Variants in SNTG1 observed in about 807,000 individuals in gnomAD.
SNTG1 encodes gamma-1-syntrophin.
Under a neutral mutation model 74.7 loss-of-function variants are expected in SNTG1, and 39 were observed. The ratio of observed to expected loss-of-function variants is 0.52; its 90% CI spans 0.40 to 0.68. The LOEUF (loss-of-function observed/expected upper bound fraction) is 0.68. Among genes scored for constraint, SNTG1 ranks in the 30% least tolerant of loss-of-function variants. The pLI is 0.00. For synonymous variants in SNTG1, 254 were observed against 217.1 expected (o/e 1.17, Z -1.49); for missense variants, 685 against 609.5 (o/e 1.12, Z -1.30).
intron 1 of SNTG1, among the ~76,000 whole-genome samples, chr8:50,154,482 T>C (rs1399248014): frequency 6.6e-6 from 1 of 152,086 alleles, no homozygotes; most frequent in Non-Finnish European, 1.5e-5. Flanking sequence ...ACCGGGTACC[T>C]CAGTTGGAAG....
intron 8 of SNTG1, among the ~76,000 whole-genome samples, chr8:50,465,426 C>T (rs2093601496): frequency 6.6e-6 from 1 of 152,174 alleles, no homozygotes; most frequent in Admixed American, 6.6e-5. Context: ...TGCATTTTGT[C>T]ATATCTCACA....
intron 2 of SNTG1, among the ~76,000 whole-genome samples, chr8:50,366,346 C>A (rs1189878182): frequency 6.6e-6 from 1 of 152,124 alleles, no homozygotes; most frequent in Non-Finnish European, 1.5e-5. Context: ...ACCCAATAGC[C>A]TTTTTACTAC....
intron 1 of SNTG1, among the ~76,000 whole-genome samples, chr8:50,151,440 G>T (rs556703524): frequency 2.0e-5 from 3 of 151,960 alleles, no homozygotes; most frequent in Non-Finnish European, 4.4e-5. Flanking sequence ...GTCATTCCTT[G>T]CCTTCTGCTA....
chr8:50,447,575 GC>G (rs1167191404), intron 5 of SNTG1, among the ~76,000 whole-genome samples: 1 of 151,850 alleles, frequency 6.6e-6, no homozygotes, highest in Non-Finnish European at 1.5e-5. Context: ...GCCTGGAAAA[GC>G]CGTAGACTTC....
At chr8:50,697,071 A>G (rs1467313380) in intron 15 of SNTG1, among the ~76,000 whole-genome samples, 2 of 152,102 alleles carry the variant, frequency 1.3e-5, no homozygotes, top group South Asian at 4.1e-4. Context: ...CTATTGATCC[A>G]TAAGTATGAG....
rs144721147 is a variant in SNTG1, at chr8:50,645,268, G to A, written c.850-11641G>A. Reference sequence around the variant, plus strand: ...CTCTTCAATTGTGTATAAACTTCTGGTAAACTCATATATTGGGTTTATCGT... The same window carrying A: ...CTCTTCAATTGTGTATAAACTTCTGATAAACTCATATATTGGGTTTATCGT... On this transcript the variant is annotated intron_variant, in intron 13 of 18. Coordinates refer to ENST00000642720, the MANE Select transcript of SNTG1 (RefSeq NM_018967.5). Among the ~76,000 whole-genome samples, 463 of 151,912 alleles carry A rather than the reference G, an allele frequency of 3.0e-3. 3 individuals are homozygous for A. The highest frequency in any genetic ancestry group is 0.011 in the African/African-American group (446 of 41,442).
At chr8:50,036,130 A>T (rs1157235715) in intron 1 of SNTG1, among the ~76,000 whole-genome samples, 1 of 152,188 alleles carries the variant, frequency 6.6e-6, no homozygotes, top group African/African-American at 2.4e-5. Context: ...AATTAATTAG[A>T]CTTGTTTCAT....
chr8:50,543,401 G>C (rs1185618227), intron 11 of SNTG1, among the ~76,000 whole-genome samples: 1 of 151,970 alleles, frequency 6.6e-6, no homozygotes, highest in African/African-American at 2.4e-5. Context: ...ATTGATTTCT[G>C]GGTTCTCTAT....
At chr8:50,114,940 T>C (rs541507264) in intron 1 of SNTG1, among the ~76,000 whole-genome samples, 1 of 152,134 alleles carries the variant, frequency 6.6e-6, no homozygotes, top group African/African-American at 2.4e-5. Context: ...ATTAGTTTGA[T>C]TGTGATTATT....
chr8:50,455,750 A>G (rs1452415263), intron 8 of SNTG1, among the ~76,000 whole-genome samples: 1 of 152,222 alleles, frequency 6.6e-6, no homozygotes, highest in Non-Finnish European at 1.5e-5. Flanking sequence ...AGGAGGTTTT[A>G]TATGTCACCA....
chr8:50,450,870 A>T (rs12542191), intron 8 of SNTG1, 141 bp downstream of exon 8: 425,695 of 637,836 alleles, frequency 0.67, 148,004 homozygotes, highest in East Asian at 0.79. Flanking sequence ...TGTTCTCTTA[A>T]TTTTTTTTTA....
intron 2 of SNTG1, among the ~76,000 whole-genome samples, chr8:50,212,066 A>T (rs1162517641): frequency 6.6e-6 from 1 of 152,224 alleles, no homozygotes; most frequent in Non-Finnish European, 1.5e-5. Context: ...CATTTTGGCA[A>T]CATTGAGAAT....
chr8:50,726,705 A>T lies in SNTG1; in HGVS notation c.1284+17727A>T, dbSNP rs186333034. ...TCTACTAAAAATACAAAAAATTAGC[A>T]GGGTGTGGTGGCGGACGCCTGTAGT... is the stretch of plus-strand genomic sequence containing the variant. On this transcript the variant is annotated intron_variant, in intron 17 of 18. Transcript: ENST00000642720. Among the ~76,000 whole-genome samples the T allele has an allele frequency of 9.0e-4, 137 of 152,056 alleles. 2 individuals are homozygous for T. Among genetic ancestry groups the T allele is most frequent in the Middle Eastern group, 6.8e-3 (2 of 292 alleles).
rs570473494 is a variant in SNTG1 at position 50,369,324 on chromosome 8, C to A, written c.-27-24888C>A. On this transcript the variant is annotated intron_variant, in intron 2 of 18. Transcript: ENST00000642720. ...TAAGAAAAGAAAAAGAGGCTGGGCA[C>A]GGTGGCTAACGCCTGTAATCCCAGC... Among the ~76,000 whole-genome samples the A allele has an allele frequency of 2.6e-5, 4 of 152,132 alleles. No individual in the cohort carries two copies. In the South Asian group the frequency reaches 6.2e-4, roughly 24 times the overall value.
At chr8:50,667,235 T>C (rs764447489) in intron 15 of SNTG1, among the ~76,000 whole-genome samples, 3 of 152,080 alleles carry the variant, frequency 2.0e-5, no homozygotes, top group Non-Finnish European at 4.4e-5. Context: ...CATTTTACGA[T>C]AGAATTTTAT....
intron 2 of SNTG1, among the ~76,000 whole-genome samples, chr8:50,223,459 T>G (rs977728490): frequency 6.6e-6 from 1 of 152,076 alleles, no homozygotes; most frequent in African/African-American, 2.4e-5. Flanking sequence ...CAATGATATA[T>G]AAAAATATCA....
intron 2 of SNTG1, among the ~76,000 whole-genome samples, chr8:50,260,395 A>G (rs2087123602): frequency 1.3e-5 from 2 of 152,118 alleles, no homozygotes; most frequent in Admixed American, 1.3e-4. Context: ...AGCTCACTAA[A>G]AAACAGAACT....
intron 1 of SNTG1, among the ~76,000 whole-genome samples, chr8:50,151,873 G>A (rs1586497145): frequency 6.6e-6 from 1 of 152,144 alleles, no homozygotes; most frequent in Admixed American, 6.6e-5. Flanking sequence ...GTGCTGAGAA[G>A]AATGTATATT....
At chr8:50,503,666 G>A (rs924335831) in intron 9 of SNTG1, among the ~76,000 whole-genome samples, 16 of 152,024 alleles carry the variant, frequency 1.1e-4, no homozygotes, top group Non-Finnish European at 2.1e-4. Context: ...ATTTCCTTCA[G>A]ATTCACTTAT....
Sources: gnomAD v4.1 joint callset for allele counts (sites outside exome capture counted in the v4.1 genomes callset) on GRCh38, gnomAD v4.1.1 for gene constraint, MANE v1.5 for transcripts, NCBI Gene and HGNC (gene_info 2026-07-23, HGNC 2026-07-21) for gene names.